GTF2E2: variants seen among roughly 807,000 people sequenced by gnomAD.
GTF2E2 encodes the protein general transcription factor IIE subunit 2.
In GTF2E2, 21 loss-of-function variants were observed where a neutral mutation model predicts 40.5. The observed-to-expected ratio is 0.52, with a 90% CI of 0.37 to 0.75. The LOEUF is 0.75. Among genes scored for constraint, GTF2E2 ranks in the 30% least tolerant of loss-of-function variants. The probability of loss-of-function intolerance (pLI) is 0.00; values close to 1 mark genes in which losing one functional copy is unlikely to be tolerated. For missense variants in GTF2E2, 298 were observed against 338.4 expected, an observed-to-expected ratio of 0.88 and a Z score of 0.94; for synonymous variants, 117 against 121.6, an observed-to-expected ratio of 0.96 and a Z score of 0.25.
chr8:30,579,094 C>T (rs1353465226), intron 7 of GTF2E2, 57 bp from the exon 8 acceptor site: 1 of 918,116 alleles, frequency 1.1e-6, no homozygotes, highest in Non-Finnish European at 1.8e-6. Flanking sequence ...GGTGGTGTGG[C>T]CAGGATGTTC....
In GTF2E2 at chr8:30,578,677, A is replaced by G. The variant is rs758028209; in HGVS notation, c.*244T>C. The G allele has an allele frequency of 2.7e-6, 1 of 368,248 alleles. No individual in the cohort carries two copies. The highest frequency in any genetic ancestry group is 5.0e-6 in the Non-Finnish European group (1 of 201,306). 22.8% of individuals were successfully genotyped at this position (368,248 alleles called of 1,614,324 possible). On this transcript the variant is annotated 3_prime_UTR_variant, in exon 8 of 8. Transcript: ENST00000355904. ...AGAAAAACACAGCAAAGACACCTGC[A>G]TGCCACGCTCAGCGCCTTTCTCCCA...
chr8:30,580,050 C>T (rs1352998019), intron 7 of GTF2E2, among the ~76,000 whole-genome samples: 1 of 152,204 alleles, frequency 6.6e-6, no homozygotes, highest in East Asian at 1.9e-4. Flanking sequence ...TATGGCTATA[C>T]CTCAAGAGCA....
chr8:30,603,477 G>C (rs1829238577), intron 6 of GTF2E2, among the ~76,000 whole-genome samples: 1 of 151,770 alleles, frequency 6.6e-6, no homozygotes, highest in African/African-American at 2.4e-5. Flanking sequence ...TAAAAAGCCA[G>C]AGGTTATGAC....
intron 2 of GTF2E2, among the ~76,000 whole-genome samples, chr8:30,637,811 G>A (rs547242998): frequency 2.0e-5 from 3 of 152,244 alleles, no homozygotes; most frequent in South Asian, 2.1e-4. Context: ...ATGGGCCACC[G>A]CTCCCAGCCT....
intron 2 of GTF2E2, among the ~76,000 whole-genome samples, chr8:30,649,160 T>C (rs1275345714): frequency 2.6e-5 from 4 of 152,134 alleles, no homozygotes; most frequent in African/African-American, 9.7e-5. Context: ...ATATATATTA[T>C]AAGAATGACA....
At chr8:30,633,602 C>T (rs1166806730) in intron 3 of GTF2E2, among the ~76,000 whole-genome samples, 1 of 152,150 alleles carries the variant, frequency 6.6e-6, no homozygotes, top group African/African-American at 2.4e-5. Flanking sequence ...TGTTCTAAGA[C>T]AGACAAAGTT....
chr8:30,649,501 G>C (rs751961382), intron 2 of GTF2E2, among the ~76,000 whole-genome samples: 3 of 152,120 alleles, frequency 2.0e-5, no homozygotes, highest in Non-Finnish European at 4.4e-5. Flanking sequence ...TGAACCTTTA[G>C]CTAGACTCAT....
At chr8:30,599,986 A>T (rs1194195819) in intron 6 of GTF2E2, among the ~76,000 whole-genome samples, 1 of 152,188 alleles carries the variant, frequency 6.6e-6, no homozygotes, top group Non-Finnish European at 1.5e-5. Context: ...TGTCTCAAAA[A>T]ATAAATAAAT....
intron 2 of GTF2E2, among the ~76,000 whole-genome samples, chr8:30,641,867 C>T (rs559564718): frequency 2.0e-5 from 3 of 152,216 alleles, no homozygotes; most frequent in Admixed American, 6.5e-5. Context: ...CAGAACGAGA[C>T]TCTGTCTCAA....
chr8:30,647,975 A>T (rs1563510526), intron 2 of GTF2E2, among the ~76,000 whole-genome samples: 1 of 152,178 alleles, frequency 6.6e-6, no homozygotes, highest in Non-Finnish European at 1.5e-5. Context: ...ACGTCACTAC[A>T]ATGGAGCACA....
rs746541899 is a variant in GTF2E2, at chr8:30,580,370, T to C, written c.670A>G (p.Thr224Ala). Reference sequence around the variant, plus strand: ...TTCTCCTCGTCCATGGAATCTACAGTGACACTCCTCCACAGTTTCTGAAAT... The same window carrying C: ...TTCTCCTCGTCCATGGAATCTACAGCGACACTCCTCCACAGTTTCTGAAAT... ...EEFQKLWRSVTVDSMDEEKIE... is the reference protein window; with the variant it reads ...EEFQKLWRSVAVDSMDEEKIE... Residue 224 changes from threonine (T) to alanine (A), a missense_variant, in exon 7 of 8, where the codon ACT (threonine) becomes GCT (alanine). Coordinates refer to ENST00000355904, the MANE Select transcript of GTF2E2 (RefSeq NM_002095.6). The C allele has an allele frequency of 5.0e-6, 8 of 1,592,438 alleles. No individual in the cohort carries two copies. The highest frequency in any genetic ancestry group is 4.0e-5 in the African/African-American group (3 of 74,522).
In GTF2E2 at chr8:30,658,153, GGCGGCGGCA is replaced by G. The variant is rs1294953764; in HGVS notation, c.-194_-186del. ...TCTCACCACTGGCGGTGGCGGCGGCGGCGGCGGCAGCGGCGGTAGCTGAGGCGGCGACTG... is the reference window on the plus strand; with the variant it reads ...TCTCACCACTGGCGGTGGCGGCGGCGGCGGCGGTAGCTGAGGCGGCGACTG... On this transcript the variant is annotated 5_prime_UTR_variant, in exon 1 of 8. Transcript: ENST00000355904. 5 of 195,864 alleles carry G rather than the reference GGCGGCGGCA, an allele frequency of 2.6e-5. No homozygotes were observed. Among genetic ancestry groups the G allele is most frequent in the Non-Finnish European group, 5.2e-5 (5 of 96,916 alleles). 12.1% of individuals were successfully genotyped at this position (195,864 alleles called of 1,614,324 possible). A position where few individuals can be genotyped will look rare whatever the true frequency, so the allele number is the denominator to read the frequency against.
chr8:30,646,814 T>C (rs2128728768), intron 2 of GTF2E2, among the ~76,000 whole-genome samples: 1 of 151,916 alleles, frequency 6.6e-6, no homozygotes, highest in South Asian at 2.1e-4. Flanking sequence ...ACCCCGTCTA[T>C]ACTAAAAATA....
At chr8:30,621,348 CA>C (rs1480076450) in intron 3 of GTF2E2, among the ~76,000 whole-genome samples, 1 of 152,092 alleles carries the variant, frequency 6.6e-6, no homozygotes, top group Non-Finnish European at 1.5e-5. Context: ...TAACCATTTT[CA>C]CTGAGCTTTG....
intron 3 of GTF2E2, among the ~76,000 whole-genome samples, chr8:30,630,468 A>C (rs1368683410): frequency 2.0e-5 from 3 of 152,226 alleles, no homozygotes; most frequent in Non-Finnish European, 4.4e-5. Flanking sequence ...TGAATCAACT[A>C]TAAGGAGCAT....
Position 30,635,124 on chromosome 8 carries a change from C to G in GTF2E2, c.167-1G>C. On this transcript the variant is annotated splice_acceptor_variant, in intron 2 of 7. Transcript: ENST00000355904. LOFTEE classifies it high-confidence loss of function. The stretch of plus-strand genomic sequence containing the variant: ...AAGTTAAATGATCCATTGCTATGAT[C>G]TGCAAATGAAGTTCAAAATAACATC... The G allele has an allele frequency of 7.0e-6, 11 of 1,564,138 alleles. No homozygotes were observed. The highest frequency in any genetic ancestry group is 9.7e-6 in the Non-Finnish European group (11 of 1,137,274).
chr8:30,622,691 C>T (rs996761686), intron 3 of GTF2E2, among the ~76,000 whole-genome samples: 3 of 152,028 alleles, frequency 2.0e-5, no homozygotes, highest in African/African-American at 4.8e-5. Context: ...ATGGCCACAG[C>T]CAGGGGGGCC....
Position 30,607,094 on chromosome 8 carries a change from G to T in GTF2E2, c.606C>A (p.Phe202Leu). Residue 202 changes from phenylalanine to leucine, a missense_variant, in exon 6 of 8, where the codon TTC (phenylalanine) becomes TTA (leucine). Phe to Leu is a conservative substitution (Grantham distance 22, BLOSUM62 0). Transcript: ENST00000355904. Reference sequence around the variant, plus strand: ...AAAACTGACAGCTCTTATCATTGAAGAAAAGTATTTTCTTCTTATCGGGAC... The same window carrying T: ...AAAACTGACAGCTCTTATCATTGAATAAAAGTATTTTCTTCTTATCGGGAC... ...VNRPDKKKIL[F>L]FNDKSCQFSV... 1 of 1,488,342 alleles carries T rather than the reference G, an allele frequency of 6.7e-7. No homozygotes were observed. The highest frequency in any genetic ancestry group is 9.3e-7 in the Non-Finnish European group (1 of 1,078,894). 92.2% of individuals were successfully genotyped at this position (1,488,342 alleles called of 1,614,324 possible).
At chr8:30,609,574 T>C (rs1374273316) in intron 5 of GTF2E2, among the ~76,000 whole-genome samples, 1 of 152,178 alleles carries the variant, frequency 6.6e-6, no homozygotes, top group Non-Finnish European at 1.5e-5. Context: ...CTACCCAAAG[T>C]TACCTATTCA....
Sources: allele counts gnomAD v4.1 joint callset (sites outside exome capture counted in the v4.1 genomes callset), GRCh38; gene constraint gnomAD v4.1.1; transcripts MANE v1.5; gene names NCBI Gene and HGNC (gene_info 2026-07-23, HGNC 2026-07-21).